Variants in EBF1 observed in about 807,000 individuals in gnomAD.
The protein encoded by EBF1 is transcription factor COE1.
Under a neutral mutation model 68.4 loss-of-function variants are expected in EBF1, and 10 were observed. That is an observed-to-expected ratio of 0.15 (90% CI 0.09 to 0.25). The LOEUF is 0.25. Ranked by LOEUF, EBF1 falls within the 10% of genes least tolerant of loss-of-function variation. The probability of loss-of-function intolerance (pLI) is 1.00; values close to 1 mark genes in which losing one functional copy is unlikely to be tolerated. For missense variants in EBF1, 509 were observed against 794.4 expected (o/e 0.64, Z 4.32); for synonymous variants, 298 against 299.8 (o/e 0.99, Z 0.06).
At chr5:158,955,675 T>A (rs1485459028) in intron 6 of EBF1, among the ~76,000 whole-genome samples, 2 of 152,250 alleles carry the variant, frequency 1.3e-5, no homozygotes. Flanking sequence ...CTCAATATAG[T>A]AGTTCCCTTA....
chr5:158,988,316 T>C (rs937599092), intron 6 of EBF1, among the ~76,000 whole-genome samples: 3 of 151,890 alleles, frequency 2.0e-5, no homozygotes, highest in Non-Finnish European at 4.4e-5. Context: ...CTGATAACCA[T>C]GTCAGGCCAT....
At chr5:158,906,333 T>G (rs1804610236) in intron 6 of EBF1, among the ~76,000 whole-genome samples, 1 of 141,728 alleles carries the variant, frequency 7.1e-6, no homozygotes, top group East Asian at 2.0e-4. Flanking sequence ...GCAAAGAGAC[T>G]CCAGGTAAAA....
intron 3 of EBF1, chr5:159,096,142 G>C: frequency 1.6e-6 from 1 of 606,418 alleles, no homozygotes; most frequent in Non-Finnish European, 2.9e-6. Context: ...CCAGGTAAAC[G>C]CGAGACCGAT....
intron 6 of EBF1, among the ~76,000 whole-genome samples, chr5:159,010,954 T>A (rs2127679500): frequency 6.6e-6 from 1 of 152,364 alleles, no homozygotes; most frequent in Non-Finnish European, 1.5e-5. Flanking sequence ...AAGTTACAAC[T>A]TAAAGTCCAG....
At chr5:158,969,099 C>T (rs1754777812) in intron 6 of EBF1, among the ~76,000 whole-genome samples, 1 of 151,798 alleles carries the variant, frequency 6.6e-6, no homozygotes, top group South Asian at 2.1e-4. Context: ...GTCAGGAGTT[C>T]GAGACCAGCC....
intron 6 of EBF1, among the ~76,000 whole-genome samples, chr5:158,866,232 T>C (rs1795841044): frequency 6.6e-6 from 1 of 152,202 alleles, no homozygotes. Context: ...CTTCAAAGCC[T>C]TCTTGCAGAA....
At chr5:159,045,828 T>G (rs767360161) in intron 6 of EBF1, among the ~76,000 whole-genome samples, 5 of 152,168 alleles carry the variant, frequency 3.3e-5, no homozygotes, top group Admixed American at 2.0e-4. Flanking sequence ...ACATGAACAT[T>G]AGGAAGCCAT....
chr5:158,872,107 G>A (rs1796974416), intron 6 of EBF1, among the ~76,000 whole-genome samples: 2 of 152,120 alleles, frequency 1.3e-5, no homozygotes, highest in South Asian at 4.1e-4. Context: ...GAGAGATGCA[G>A]TCATCCCAAC....
At chr5:158,870,086 A>G (rs1562173201) in intron 6 of EBF1, among the ~76,000 whole-genome samples, 1 of 152,208 alleles carries the variant, frequency 6.6e-6, no homozygotes, top group Admixed American at 6.5e-5. Context: ...TTTCCAAAGC[A>G]CATTGGCAAG....
chr5:159,085,189 T>C (rs1780416004), intron 4 of EBF1, among the ~76,000 whole-genome samples: 1 of 152,194 alleles, frequency 6.6e-6, no homozygotes, highest in Non-Finnish European at 1.5e-5. Flanking sequence ...GGATGGGTAG[T>C]AGAAAACAAG....
At chr5:158,772,051 A>G (rs1302534974) in intron 10 of EBF1, among the ~76,000 whole-genome samples, 1 of 152,146 alleles carries the variant, frequency 6.6e-6, no homozygotes, top group East Asian at 1.9e-4. Context: ...CATAAGCCCT[A>G]GCCCCAGAGC....
chr5:158,817,938 C>T (rs1048785637), intron 8 of EBF1, among the ~76,000 whole-genome samples: 2 of 152,188 alleles, frequency 1.3e-5, no homozygotes, highest in African/African-American at 4.8e-5. Context: ...AGGAAGGGTT[C>T]TATTAGAAAA....
chr5:158,941,136 T>C, intron 6 of EBF1: 1 of 454,010 alleles, frequency 2.2e-6, no homozygotes, highest in South Asian at 1.6e-5. Flanking sequence ...GATGAACATA[T>C]GGCACGTGGG....
chr5:158,860,634 C>T (rs1794806870), intron 6 of EBF1, among the ~76,000 whole-genome samples: 1 of 152,150 alleles, frequency 6.6e-6, no homozygotes, highest in African/African-American at 2.4e-5. Context: ...ACCCTCACTG[C>T]CTGCTTTTCT....
chr5:158,861,880 T>A (rs1269633423), intron 6 of EBF1, among the ~76,000 whole-genome samples: 1 of 152,022 alleles, frequency 6.6e-6, no homozygotes, highest in Admixed American at 6.6e-5. Flanking sequence ...AATTCATAGA[T>A]AAATAAAAGC....
At chr5:159,051,399 G>T (rs1372073302) in intron 6 of EBF1, among the ~76,000 whole-genome samples, 39 of 97,422 alleles carry the variant, frequency 4.0e-4, no homozygotes, top group African/African-American at 1.6e-3. Context: ...GCCTCGGGCC[G>T]CATTCCCTCC....
intron 6 of EBF1, among the ~76,000 whole-genome samples, chr5:158,958,696 C>T (rs1366926589): frequency 2.0e-5 from 3 of 152,054 alleles, no homozygotes; most frequent in Non-Finnish European, 4.4e-5. Flanking sequence ...GTCACCCAGT[C>T]ATTTTTATGA....
At chr5:159,026,439 G>C (rs542519408) in intron 6 of EBF1, among the ~76,000 whole-genome samples, 1 of 152,276 alleles carries the variant, frequency 6.6e-6, no homozygotes, top group South Asian at 2.1e-4. Context: ...AAGCCAGTCA[G>C]TGCTAACAAA....
In EBF1 at chr5:158,819,569, AAC is replaced by A. The variant is rs200215922; in HGVS notation, c.778+3605_778+3606del. Among the ~76,000 whole-genome samples, 848 of 152,296 alleles carry A rather than the reference AAC, an allele frequency of 5.6e-3. 10 individuals carry two copies. Among genetic ancestry groups the A allele is most frequent in the African/African-American group, 0.02 (815 of 41,564 alleles). On this transcript the variant is annotated intron_variant, in intron 8 of 15. Coordinates refer to ENST00000313708, the MANE Select transcript of EBF1 (RefSeq NM_024007.5). ...CTCAGGCCCCTCAATGACTCCCCAG[AAC>A]ACAGTCTTCATGAACTTGCCCAAAT...
Sources: allele counts gnomAD v4.1 joint callset (sites outside exome capture counted in the v4.1 genomes callset), GRCh38; gene constraint gnomAD v4.1.1; transcripts MANE v1.5; gene names NCBI Gene and HGNC (gene_info 2026-07-23, HGNC 2026-07-21).